Variants in PDE9A observed in about 807,000 individuals in gnomAD.
PDE9A encodes phosphodiesterase 9A.
A neutral mutation model predicts 87.4 loss-of-function variants in PDE9A; 60 were observed. That is an observed-to-expected ratio of 0.69 (90% CI 0.56 to 0.85). The LOEUF (loss-of-function observed/expected upper bound fraction) is 0.85. Among genes scored for constraint, PDE9A ranks in the 40% least tolerant of loss-of-function variants. PDE9A has a pLI of 0.00. For missense variants in PDE9A, 665 were observed against 779.0 expected, an observed-to-expected ratio of 0.85 and a Z score of 1.74; for synonymous variants, 272 against 279.4, an observed-to-expected ratio of 0.97 and a Z score of 0.27.
rs58515760 is a variant in PDE9A, at chr21:42,727,489, ATTT to A, written c.263-4259_263-4257del. Among the ~76,000 whole-genome samples, 9 of 88,328 alleles carry A rather than the reference ATTT, an allele frequency of 1.0e-4. No homozygotes were observed. The East Asian group carries it at 1.1e-3, about 11-fold the overall frequency. The allele number at this position is 88,328 out of a possible 152,430, so 57.9% of individuals were successfully genotyped here. ...CAGGCACATGCCACCACGCCTGGCT[ATTT>A]TTTTTTTTTTTTTTTTTTTTTGTAG... On this transcript the variant is annotated intron_variant, in intron 4 of 19. Transcript: ENST00000291539.
Position 42,703,864 on chromosome 21 carries a change from C to T in PDE9A, c.262+4853C>T, listed in dbSNP as rs76006693. ...CAAAGGCTCACATTAAACTTCGCAT[C>T]GTAAAGTTTTGAGTAAAAGAACAAT... On this transcript the variant is annotated intron_variant, in intron 4 of 19. Transcript: ENST00000291539. Among the ~76,000 whole-genome samples the T allele has an allele frequency of 2.4e-3, 361 of 152,268 alleles. 4 individuals carry two copies. The East Asian group carries it at 0.026, about 11-fold the overall frequency.
Position 42,670,435 on chromosome 21 carries a change from CAT to C in PDE9A, c.70-15755_70-15754del, listed in dbSNP as rs1450287073. 7.3e-5 allele frequency among the ~76,000 whole-genome samples: 11 copies of C among 151,296 alleles called. 1 individual carries two copies. Among genetic ancestry groups the C allele is most frequent in the South Asian group, 2.1e-4 (1 of 4,800 alleles). ...ACATTCACACGCACTTACAGTCACA[CAT>C]ACACTTATACACAGTCACACAGACT... On this transcript the variant is annotated intron_variant, in intron 1 of 19. Transcript: ENST00000291539.
intron 8 of PDE9A, among the ~76,000 whole-genome samples, chr21:42,749,366 C>T (rs182771948): frequency 1.3e-5 from 2 of 152,276 alleles, no homozygotes; most frequent in East Asian, 3.9e-4. Context: ...GGAGCCTGTT[C>T]ACTTCCAAGC....
rs998548978 is a variant in PDE9A, at chr21:42,692,712, G to A, written c.218+4718G>A. ...CCAGGGGCTTTTCTCTCCCGCTTCC[G>A]TCCCTCTTCCCTCGCCGGCAGGTGA... On this transcript the variant is annotated intron_variant, in intron 3 of 19. Transcript: ENST00000291539. This position sits in a 1 kb window ranked among gnomAD's most constrained non-coding sequence, Gnocchi z 4.3. Among the ~76,000 whole-genome samples the A allele has an allele frequency of 2.0e-5, 3 of 152,044 alleles. No individual in the cohort carries two copies. Among genetic ancestry groups the A allele is most frequent in the Admixed American group, 6.6e-5 (1 of 15,264 alleles).
intron 3 of PDE9A, among the ~76,000 whole-genome samples, chr21:42,698,502 G>C (rs1287812128): frequency 6.6e-6 from 1 of 152,002 alleles, no homozygotes; most frequent in Non-Finnish European, 1.5e-5. Flanking sequence ...ATGATGGGGG[G>C]AGGGGGGTTG....
At position 42,695,374 on chromosome 21, in the gene PDE9A, A is replaced by G. The variant is rs982589831; in HGVS notation, c.219-3594A>G. Among the ~76,000 whole-genome samples, 1 of 152,106 alleles carries G rather than the reference A, an allele frequency of 6.6e-6. No individual in the cohort carries two copies. Among genetic ancestry groups the G allele is most frequent in the African/African-American group, 2.4e-5 (1 of 41,414 alleles). ...CTAACATGGGCGTTGCTTCCTGACA[A>G]CCCTACCCCTTCCATTCCCCAGTCA... is the stretch of plus-strand genomic sequence containing the variant. On this transcript the variant is annotated intron_variant, in intron 3 of 19. Transcript: ENST00000291539. This position sits in a 1 kb window ranked among gnomAD's most constrained non-coding sequence, Gnocchi z 4.3.
At chr21:42,745,291 G>A (rs1042525314) in intron 8 of PDE9A, among the ~76,000 whole-genome samples, 8 of 152,204 alleles carry the variant, frequency 5.3e-5, no homozygotes, top group Non-Finnish European at 5.9e-5. Flanking sequence ...CCACGTGAGA[G>A]CCTGTCCTAC....
At chr21:42,727,489 ATTTTTTTTT>A (rs58515760) in intron 4 of PDE9A, among the ~76,000 whole-genome samples, 6 of 88,328 alleles carry the variant, frequency 6.8e-5, no homozygotes, top group South Asian at 4.5e-4. Context: ...ACGCCTGGCT[ATTTTTTTTT>A]TTTTTTTTTT....
chr21:42,716,452 C>T (rs933659861), intron 4 of PDE9A, among the ~76,000 whole-genome samples: 4 of 151,640 alleles, frequency 2.6e-5, no homozygotes, highest in East Asian at 1.9e-4. Context: ...GTATCTTCTT[C>T]TTGTTTTATT....
At chr21:42,670,528 A>C (rs1601943771) in intron 1 of PDE9A, among the ~76,000 whole-genome samples, 1 of 151,872 alleles carries the variant, frequency 6.6e-6, no homozygotes, top group East Asian at 1.9e-4. Context: ...AGGCAATCAC[A>C]CATTCACACT....
intron 9 of PDE9A, 126 bp from the exon 10 acceptor site, chr21:42,753,864 A>G: frequency 3.5e-6 from 1 of 288,440 alleles, no homozygotes; most frequent in Non-Finnish European, 6.4e-6. Context: ...TCTATCTCAA[A>G]AAAAAAAAAA....
Position 42,765,396 on chromosome 21 carries a change from A to G in PDE9A, c.1258A>G (p.Ile420Val). Residue 420 changes from isoleucine to valine, a missense_variant, in exon 15 of 20, where the codon ATC becomes GTC. By Grantham distance (29) the Ile-to-Val change is conservative. Coordinates refer to ENST00000291539, the MANE Select transcript of PDE9A (RefSeq NM_002606.3). ...KQIRQGMITL[I>V]LATDMARHAE... The stretch of plus-strand genomic sequence containing the variant: ...CGCTATTTAGGGAATGATCACATTA[A>G]TCTTGGCCACTGACATGGCAAGACA... 1.2e-6 allele frequency: 2 copies of G among 1,603,746 alleles called. No homozygotes were observed. Among genetic ancestry groups the G allele is most frequent in the Non-Finnish European group, 8.5e-7 (1 of 1,170,694 alleles).
chr21:42,759,382 C>CAT lies in PDE9A; in HGVS notation c.897+297_897+298insAT, dbSNP rs111833418. 6.7e-6 allele frequency among the ~76,000 whole-genome samples: 1 copy of CAT among 149,082 alleles called. No individual in the cohort carries two copies. Among genetic ancestry groups the CAT allele is most frequent in the African/African-American group, 2.5e-5 (1 of 40,190 alleles). Reference sequence around the variant, plus strand: ...GTCCTAAAGCAGCGGTGTGTGGGAGCGTGTGTGTGTGTGTGGGAGCGTGTG... The same window carrying CAT: ...GTCCTAAAGCAGCGGTGTGTGGGAGCATGTGTGTGTGTGTGTGGGAGCGTGTG... On this transcript the variant is annotated intron_variant, in intron 11 of 19. Coordinates refer to ENST00000291539, the MANE Select transcript of PDE9A (RefSeq NM_002606.3). This position sits in a 1 kb window ranked among gnomAD's most constrained non-coding sequence, Gnocchi z 7.2.
At chr21:42,730,358 C>G (rs1776790339) in intron 4 of PDE9A, among the ~76,000 whole-genome samples, 1 of 152,158 alleles carries the variant, frequency 6.6e-6, no homozygotes, top group African/African-American at 2.4e-5. Flanking sequence ...CAGCGGGAAT[C>G]TAGGGTGATC....
chr21:42,664,662 AAAGG>A (rs1032639620), intron 1 of PDE9A, among the ~76,000 whole-genome samples: 2 of 152,082 alleles, frequency 1.3e-5, no homozygotes, highest in African/African-American at 2.4e-5. Flanking sequence ...AAGAGGAGGG[AAAGG>A]AAGGGAGGGA....
rs1254795739 is a variant in PDE9A, at chr21:42,759,785, G to C, written c.898-543G>C. Among the ~76,000 whole-genome samples, 2 of 149,366 alleles carry C rather than the reference G, an allele frequency of 1.3e-5. No homozygotes were observed. Among genetic ancestry groups the C allele is most frequent in the Non-Finnish European group, 3.0e-5 (2 of 67,344 alleles). On this transcript the variant is annotated intron_variant, in intron 11 of 19. Transcript: ENST00000291539. The surrounding 1 kb of genome is among the most constrained non-coding windows in gnomAD (Gnocchi z 7.2). ...TGTGTGCATGTGTGTATCTGGATGT[G>C]GGGGTGTGTGAGGGTGGATGTGTGC... is the stretch of plus-strand genomic sequence containing the variant.
Position 42,765,468 on chromosome 21 carries a change from T to G in PDE9A, c.1330T>G (p.Tyr444Asp). The G allele has an allele frequency of 6.2e-7, 1 of 1,609,930 alleles. No individual in the cohort carries two copies. ...CAAAGAGAAAATGGAGAATTTTGAC[T>G]ACAGCAACGAGGAGCACATGACCCT... Reference protein sequence around the residue: ...SFKEKMENFDYSNEEHMTLLK... With the variant: ...SFKEKMENFDDSNEEHMTLLK... The change falls in exon 15 of 20, where the codon TAC becomes GAC. Residue 444 changes from tyrosine to aspartate, a missense_variant. Physicochemically the swap from Tyr to Asp is radical, Grantham distance 160 (BLOSUM62 -3). Transcript: ENST00000291539.
intron 1 of PDE9A, among the ~76,000 whole-genome samples, chr21:42,679,467 C>A (rs1011772359): frequency 6.6e-6 from 1 of 152,032 alleles, no homozygotes; most frequent in Non-Finnish European, 1.5e-5. Context: ...CCATGAAGCA[C>A]CCCCCAGGAG....
Position 42,692,345 on chromosome 21 carries a change from G to A in PDE9A, c.218+4351G>A, listed in dbSNP as rs1174322461. On this transcript the variant is annotated intron_variant, in intron 3 of 19. Coordinates refer to ENST00000291539, the MANE Select transcript of PDE9A (RefSeq NM_002606.3). This position sits in a 1 kb window ranked among gnomAD's most constrained non-coding sequence, Gnocchi z 4.3. ...ACTTGTATCTGATGGGTGGAGACCC[G>A]GGATGCCAATGGCATCCTACAGCGC... 2.0e-5 allele frequency among the ~76,000 whole-genome samples: 3 copies of A among 152,130 alleles called. No homozygotes were observed. Among genetic ancestry groups the A allele is most frequent in the East Asian group, 3.9e-4 (2 of 5,174 alleles).
Sources: allele counts gnomAD v4.1 joint callset (sites outside exome capture counted in the v4.1 genomes callset), GRCh38; gene constraint gnomAD v4.1.1; non-coding constraint Gnocchi (gnomAD v3.1); transcripts MANE v1.5; gene names NCBI Gene and HGNC (gene_info 2026-07-23, HGNC 2026-07-21).